Variants in WWOX observed in about 807,000 individuals in gnomAD.
WWOX encodes the protein WW domain containing oxidoreductase.
WWOX carries 69 observed loss-of-function variants against 46.2 expected under a neutral mutation model. The ratio of observed to expected loss-of-function variants is 1.49; its 90% CI spans 1.23 to 1.82. WWOX has a LOEUF of 1.82. Ranked by LOEUF, WWOX falls within the 40% of genes most tolerant of loss-of-function variation. The probability of loss-of-function intolerance (pLI) is 0.00; values close to 1 mark genes in which losing one functional copy is unlikely to be tolerated. For missense variants in WWOX, 919 were observed against 542.6 expected (o/e 1.69, Z -6.89); for synonymous variants, 359 against 202.6 (o/e 1.77, Z -6.56).
At chr16:78,753,659 G>T (rs903306329) in intron 8 of WWOX, among the ~76,000 whole-genome samples, 2 of 151,144 alleles carry the variant, frequency 1.3e-5, no homozygotes, top group Non-Finnish European at 3.0e-5. Context: ...GAAATTAGCT[G>T]GGCATTGTGG....
chr16:79,189,931 G>A (rs1361718910), intron 8 of WWOX, among the ~76,000 whole-genome samples: 2 of 146,114 alleles, frequency 1.4e-5, no homozygotes, highest in Non-Finnish European at 3.0e-5. Flanking sequence ...TATGGGGTGG[G>A]GAAGGGGGGG....
chr16:78,164,130 A>G, intron 4 of WWOX, 53 bp from the exon 5 acceptor site: 1 of 1,513,296 alleles, frequency 6.6e-7, no homozygotes, highest in Non-Finnish European at 9.1e-7. Flanking sequence ...ATTCAACATG[A>G]CTCACTGTGT....
chr16:78,427,164 T>C (rs2083100555), intron 7 of WWOX, among the ~76,000 whole-genome samples: 1 of 152,154 alleles, frequency 6.6e-6, no homozygotes, highest in Non-Finnish European at 1.5e-5. Context: ...GATATCTAAT[T>C]ACCTCCATCA....
chr16:78,995,880 T>C (rs920998075), intron 8 of WWOX, among the ~76,000 whole-genome samples: 2 of 152,200 alleles, frequency 1.3e-5, no homozygotes, highest in Non-Finnish European at 2.9e-5. Context: ...GATTGTGTGA[T>C]CTTAAATGGG....
At chr16:78,842,147 G>T (rs370245763) in intron 8 of WWOX, among the ~76,000 whole-genome samples, 1 of 152,112 alleles carries the variant, frequency 6.6e-6, no homozygotes, top group Admixed American at 6.5e-5. Flanking sequence ...TAATCCAGGA[G>T]GAGTTCATTT....
intron 8 of WWOX, among the ~76,000 whole-genome samples, chr16:78,702,576 A>T (rs1428801629): frequency 6.6e-6 from 1 of 151,722 alleles, no homozygotes; most frequent in Non-Finnish European, 1.5e-5. Flanking sequence ...AATCACTTGA[A>T]TCTGGGAGGT....
rs542723441 is a variant in WWOX at position 78,282,912 on chromosome 16, A to G, written c.517-103948A>G. Among the ~76,000 whole-genome samples the G allele has an allele frequency of 8.6e-5, 13 of 150,312 alleles. No individual in the cohort carries two copies. The East Asian group carries it at 2.4e-3, about 27-fold the overall frequency. ...AAAAAAAAAAAAAAGGACAGGGAAA[A>G]TGTCCAGGAAGGATGTGGCTTAGCT... On this transcript the variant is annotated intron_variant, in intron 5 of 8. Coordinates refer to ENST00000566780, the MANE Select transcript of WWOX (RefSeq NM_016373.4).
At chr16:79,014,437 C>A (rs757818747) in intron 8 of WWOX, among the ~76,000 whole-genome samples, 2 of 152,142 alleles carry the variant, frequency 1.3e-5, no homozygotes, top group Non-Finnish European at 2.9e-5. Flanking sequence ...TTTCCTGGAT[C>A]GTCCCTCAAT....
intron 8 of WWOX, among the ~76,000 whole-genome samples, chr16:78,444,817 A>C (rs559975800): frequency 6.6e-6 from 1 of 152,288 alleles, no homozygotes; most frequent in South Asian, 2.1e-4. Context: ...GGCGTGAGCC[A>C]CCGCACCCGG....
intron 5 of WWOX, among the ~76,000 whole-genome samples, chr16:78,291,672 G>T (rs1280357827): frequency 1.3e-5 from 2 of 152,114 alleles, no homozygotes; most frequent in Non-Finnish European, 2.9e-5. Flanking sequence ...TTTCAGAAAG[G>T]ATTGGCTTGG....
intron 8 of WWOX, among the ~76,000 whole-genome samples, chr16:79,128,264 C>A (rs1597398775): frequency 6.6e-6 from 1 of 152,056 alleles, no homozygotes; most frequent in African/African-American, 2.4e-5. Flanking sequence ...AGAAATCTTT[C>A]CTATCACTTC....
At chr16:78,886,753 A>G (rs2044467146) in intron 8 of WWOX, among the ~76,000 whole-genome samples, 1 of 151,964 alleles carries the variant, frequency 6.6e-6, no homozygotes, top group South Asian at 2.1e-4. Flanking sequence ...GGCAGCTATA[A>G]TTAAAGCACA....
intron 5 of WWOX, among the ~76,000 whole-genome samples, chr16:78,215,290 G>A (rs553017662): frequency 5.6e-4 from 86 of 152,238 alleles, no homozygotes; most frequent in Non-Finnish European, 9.4e-4. Flanking sequence ...GTTTGGCTGT[G>A]TCCCCACCCA....
At chr16:78,312,606 C>T (rs1452931975) in intron 5 of WWOX, among the ~76,000 whole-genome samples, 1 of 152,258 alleles carries the variant, frequency 6.6e-6, no homozygotes, top group East Asian at 1.9e-4. Flanking sequence ...AACTCCTGAC[C>T]TGAGGTGATC....
chr16:78,995,825 C>T (rs995014518), intron 8 of WWOX, among the ~76,000 whole-genome samples: 1 of 152,078 alleles, frequency 6.6e-6, no homozygotes, highest in Admixed American at 6.5e-5. Context: ...AAAGGAGACC[C>T]GAGGTGGCCT....
At chr16:79,114,856 T>G (rs1226949638) in intron 8 of WWOX, among the ~76,000 whole-genome samples, 2 of 152,336 alleles carry the variant, frequency 1.3e-5, no homozygotes, top group East Asian at 3.9e-4. Flanking sequence ...TGCTGCTGCC[T>G]TTAATGGGCG....
intron 8 of WWOX, among the ~76,000 whole-genome samples, chr16:79,157,720 C>T (rs963655154): frequency 2.6e-5 from 4 of 152,154 alleles, no homozygotes; most frequent in African/African-American, 7.2e-5. Flanking sequence ...GTGTCCTTTA[C>T]AGTTTGCAAG....
intron 8 of WWOX, among the ~76,000 whole-genome samples, chr16:78,966,572 C>T (rs982719796): frequency 6.6e-6 from 1 of 151,746 alleles, no homozygotes; most frequent in Admixed American, 6.6e-5. Flanking sequence ...ATTTTCCTTA[C>T]TATAAGTAAG....
intron 8 of WWOX, among the ~76,000 whole-genome samples, chr16:78,760,409 T>A (rs2049763166): frequency 6.6e-6 from 1 of 152,098 alleles, no homozygotes; most frequent in Non-Finnish European, 1.5e-5. Flanking sequence ...CATATCAAGG[T>A]CCTTAACTTA....
Sources: allele counts gnomAD v4.1 joint callset (sites outside exome capture counted in the v4.1 genomes callset), GRCh38; gene constraint gnomAD v4.1.1; transcripts MANE v1.5; gene names NCBI Gene and HGNC (gene_info 2026-07-23, HGNC 2026-07-21).